ANKRD30BL: variants seen among roughly 807,000 people sequenced by gnomAD.
ANKRD30BL encodes putative ankyrin repeat domain-containing protein 30B-like.
ANKRD30BL carries 20 observed loss-of-function variants against 18.4 expected under a neutral mutation model. The observed-to-expected ratio is 1.09, with a 90% CI of 0.77 to 1.58. The LOEUF (loss-of-function observed/expected upper bound fraction) is 1.58. ANKRD30BL is among the 40% of genes most tolerant of loss of function. ANKRD30BL has a pLI of 0.00. For missense variants in ANKRD30BL, 224 were observed against 268.6 expected (o/e 0.83, Z 1.16); for synonymous variants, 72 against 100.9 (o/e 0.71, Z 1.72).
chr2:132,169,593 G>A (rs2104940036), intron 1 of ANKRD30BL, among the ~76,000 whole-genome samples: 1 of 142,610 alleles, frequency 7.0e-6, no homozygotes, highest in East Asian at 2.1e-4. Flanking sequence ...GTTGCAGTGA[G>A]CCAAGATCGC....
intron 1 of ANKRD30BL, among the ~76,000 whole-genome samples, chr2:132,196,901 GATA>G (rs1475260109): frequency 3.3e-5 from 5 of 152,278 alleles, no homozygotes; most frequent in Admixed American, 2.6e-4. Context: ...TCAATTGGGA[GATA>G]ATGATGAATT....
chr2:132,201,528 A>C (rs1679098107), intron 1 of ANKRD30BL, among the ~76,000 whole-genome samples: 1 of 152,218 alleles, frequency 6.6e-6, no homozygotes, highest in Non-Finnish European at 1.5e-5. Context: ...GCAGGCAAAA[A>C]ACACATGAAA....
chr2:132,152,242 A>G (rs2104918315), intron 4 of ANKRD30BL: 1 of 152,348 alleles, frequency 6.6e-6, no homozygotes, highest in East Asian at 1.9e-4. Context: ...TGGGGACTCC[A>G]AGAAATATGC....
intron 1 of ANKRD30BL, among the ~76,000 whole-genome samples, chr2:132,197,213 A>G (rs1678986709): frequency 6.6e-6 from 1 of 152,274 alleles, no homozygotes; most frequent in Non-Finnish European, 1.5e-5. Flanking sequence ...TAAAGTATAA[A>G]ACAAGTGCTG....
At chr2:132,161,278 C>G (rs1228607564) in intron 1 of ANKRD30BL, among the ~76,000 whole-genome samples, 4 of 152,126 alleles carry the variant, frequency 2.6e-5, no homozygotes, top group African/African-American at 9.7e-5. Context: ...GGCCTGTGCC[C>G]TCCGCCCTGC....
intron 1 of ANKRD30BL, among the ~76,000 whole-genome samples, chr2:132,248,434 T>G (rs139598852): frequency 3.3e-5 from 5 of 152,128 alleles, no homozygotes; most frequent in Non-Finnish European, 7.4e-5. Flanking sequence ...CTAGTTTTTA[T>G]GTGAAGATAT....
At chr2:132,189,406 A>G (rs1678799986) in intron 1 of ANKRD30BL, among the ~76,000 whole-genome samples, 1 of 152,042 alleles carries the variant, frequency 6.6e-6, no homozygotes, top group Non-Finnish European at 1.5e-5. Context: ...TATCTCCTAG[A>G]ATGTAGCTTG....
chr2:132,166,337 C>A (rs1221290310), upstream of ANKRD30BL, among the ~76,000 whole-genome samples: 2 of 146,610 alleles, frequency 1.4e-5, no homozygotes, highest in Non-Finnish European at 3.0e-5. Flanking sequence ...TCTCTAATTC[C>A]ATTTTCTTGA....
In ANKRD30BL at chr2:132,161,561, C is replaced by G. The variant is rs1158737879; in HGVS notation, c.145G>C (p.Gly49Arg). ...ATCCTCTCCAGCTTCCAGGCTTGGC[C>G]CCGGGAGGCAGCTTTGTGGATCTTC... is the stretch of plus-strand genomic sequence containing the variant. ...LRKIHKAASRGQAWKLERMMK... is the reference protein window; with the variant it reads ...LRKIHKAASRRQAWKLERMMK... Residue 49 changes from glycine (G) to arginine (R), a missense_variant, in exon 1 of 6, where the codon GGC becomes CGC. Gly to Arg is a moderately radical substitution (Grantham distance 125). This residue lies in a region of ANKRD30BL where 131 missense variants were observed against 128.8 expected (regional missense o/e 1.02). Transcript: ENST00000409867. 1 of 1,456,768 alleles carries G rather than the reference C, an allele frequency of 6.9e-7. No individual in the cohort carries two copies. The highest frequency in any genetic ancestry group is 9.4e-7 in the Non-Finnish European group (1 of 1,063,478). 90.2% of individuals were successfully genotyped at this position (1,456,768 alleles called of 1,614,324 possible).
chr2:132,213,710 AG>A (rs1335932207), intron 1 of ANKRD30BL, among the ~76,000 whole-genome samples: 1 of 152,244 alleles, frequency 6.6e-6, no homozygotes, highest in African/African-American at 2.4e-5. Context: ...TTCATCTCAC[AG>A]AGTTGAACAT....
chr2:132,171,897 C>T (rs1240745673), intron 1 of ANKRD30BL, among the ~76,000 whole-genome samples: 1 of 152,192 alleles, frequency 6.6e-6, no homozygotes, highest in African/African-American at 2.4e-5. Context: ...ACACTAGTCC[C>T]TGGTAATGAT....
chr2:132,253,550 C>G (rs982629995), intron 1 of ANKRD30BL, among the ~76,000 whole-genome samples: 1 of 152,166 alleles, frequency 6.6e-6, no homozygotes, highest in Non-Finnish European at 1.5e-5. Flanking sequence ...GCCACACGTG[C>G]AGCATGCACG....
At chr2:132,227,831 G>C (rs1679889152) in intron 1 of ANKRD30BL, among the ~76,000 whole-genome samples, 1 of 151,508 alleles carries the variant, frequency 6.6e-6, no homozygotes, top group African/African-American at 2.4e-5. Flanking sequence ...ACTCTTTTTG[G>C]AGATTCTGCA....
At chr2:132,150,001 T>C (rs375431225) in intron 5 of ANKRD30BL, among the ~76,000 whole-genome samples, 34 of 152,258 alleles carry the variant, frequency 2.2e-4, no homozygotes, top group Admixed American at 2.2e-3. Flanking sequence ...AGGTCAACAG[T>C]AGAATGTTAG....
Position 132,149,104 on chromosome 2 carries a change from T to C in ANKRD30BL, c.680-876A>G, listed in dbSNP as rs369392308. 9.2e-5 allele frequency among the ~76,000 whole-genome samples: 14 copies of C among 152,382 alleles called. No homozygotes were observed. In the East Asian group the frequency reaches 1.3e-3, roughly 15 times the overall value. ...CCTGCAACTTGCAAAATCTAACTTA[T>C]AGAAGTCCTTTGATAAATATGTAAT... On this transcript the variant is annotated intron_variant, in intron 5 of 5. Transcript: ENST00000409867.
chr2:132,250,430 C>T (rs1373305953), intron 1 of ANKRD30BL, among the ~76,000 whole-genome samples: 2 of 152,088 alleles, frequency 1.3e-5, no homozygotes, highest in African/African-American at 4.8e-5. Context: ...TTTTTAGGAC[C>T]AACATGAGCA....
intron 1 of ANKRD30BL, among the ~76,000 whole-genome samples, chr2:132,184,269 T>C (rs1329197766): frequency 6.6e-6 from 1 of 152,166 alleles, no homozygotes; most frequent in Non-Finnish European, 1.5e-5. Flanking sequence ...ATATTTTGTC[T>C]TCAGCAAAAT....
rs560641593 is a variant in ANKRD30BL at position 132,149,637 on chromosome 2, T to G, written c.679+1275A>C. On this transcript the variant is annotated intron_variant, in intron 5 of 5. Coordinates refer to ENST00000409867, the MANE Select transcript of ANKRD30BL (RefSeq NM_001358416.1). ...ATTGAGATCCAAATTCTAAAGATAG[T>G]TACTTTTTTAGTGACAAAAGTCACT... Among the ~76,000 whole-genome samples, 3 of 152,278 alleles carry G rather than the reference T, an allele frequency of 2.0e-5. 1 individual carries two copies. Among genetic ancestry groups the G allele is most frequent in the Admixed American group, 2.0e-4 (3 of 15,298 alleles).
At chr2:132,194,240 A>C (rs1224176969) in intron 1 of ANKRD30BL, among the ~76,000 whole-genome samples, 2 of 152,140 alleles carry the variant, frequency 1.3e-5, no homozygotes, top group African/African-American at 4.8e-5. Context: ...AAAAGAGAGG[A>C]TCATGGGAAT....
Sources: allele counts gnomAD v4.1 joint callset (sites outside exome capture counted in the v4.1 genomes callset), GRCh38; gene constraint gnomAD v4.1.1; regional missense constraint gnomAD v4.1.1; transcripts MANE v1.5; gene names NCBI Gene and HGNC (gene_info 2026-07-23, HGNC 2026-07-21).